PPP2R5E: variants seen among roughly 807,000 people sequenced by gnomAD.
PPP2R5E encodes protein phosphatase 2 regulatory subunit B'epsilon, also known as serine/threonine-protein phosphatase 2A 56 kDa regulatory subunit epsilon isoform.
In PPP2R5E, 4 loss-of-function variants were observed where a neutral mutation model predicts 65.3. The ratio of observed to expected loss-of-function variants is 0.06; its 90% confidence interval spans 0.03 to 0.14. PPP2R5E has a LOEUF of 0.14. PPP2R5E is among the 10% of genes least tolerant of loss of function. The pLI is 1.00. For missense variants in PPP2R5E, 274 were observed against 556.1 expected (o/e 0.49, Z 5.10); for synonymous variants, 183 against 187.4 (o/e 0.98, Z 0.19).
At chr14:63,383,157 G>C (rs1884467193) in intron 12 of PPP2R5E, among the ~76,000 whole-genome samples, 1 of 152,204 alleles carries the variant, frequency 6.6e-6, no homozygotes, top group Non-Finnish European at 1.5e-5. Context: ...CTTGGGCAAT[G>C]TGAGGACAAG....
At position 63,428,626 on chromosome 14, in the gene PPP2R5E, T is replaced by C. The variant is rs143006931; in HGVS notation, c.355-6532A>G. ...CAGTACATTAGTTTACTGCTGACTA[T>C]TGTTAAGTATGGTGCTGCAACAAAA... On this transcript the variant is annotated intron_variant, in intron 3 of 13. Transcript: ENST00000337537. 7.3e-4 allele frequency among the ~76,000 whole-genome samples: 111 copies of C among 152,308 alleles called. 3 individuals carry two copies. The East Asian group carries it at 0.02, about 27-fold the overall frequency.
chr14:63,402,907 C>T (rs1885839282), intron 5 of PPP2R5E, among the ~76,000 whole-genome samples: 1 of 151,716 alleles, frequency 6.6e-6, no homozygotes, highest in African/African-American at 2.4e-5. Flanking sequence ...AAGTGTTCTG[C>T]ACAATAAATG....
Position 63,372,057 on chromosome 14 carries a change from G to C in PPP2R5E, c.*3952C>G, listed in dbSNP as rs1883717074. On this transcript the variant is annotated 3_prime_UTR_variant, in exon 14 of 14. Coordinates refer to ENST00000337537, the MANE Select transcript of PPP2R5E (RefSeq NM_006246.5). ...AAAAAGTAAAGAAAGAGGAAGGGAA[G>C]AGGGAAGGAGGAAAAGAGAAGCTGA... 2 of 151,126 alleles carry C rather than the reference G, an allele frequency of 1.3e-5. No individual in the cohort carries two copies. Among genetic ancestry groups the C allele is most frequent in the South Asian group, 4.2e-4 (2 of 4,788 alleles). The allele number at this position is 151,126 out of a possible 1,614,324, so 9.4% of individuals were successfully genotyped here. A position where few individuals can be genotyped will look rare whatever the true frequency, so the allele number is the denominator to read the frequency against.
intron 2 of PPP2R5E, among the ~76,000 whole-genome samples, chr14:63,465,580 T>G (rs10132996): frequency 6.6e-6 from 1 of 151,980 alleles, no homozygotes; most frequent in African/African-American, 2.4e-5. Flanking sequence ...GAGCCGTGAT[T>G]GCACCACTGC....
intron 2 of PPP2R5E, among the ~76,000 whole-genome samples, chr14:63,456,225 G>A (rs986184908): frequency 2.0e-5 from 3 of 152,152 alleles, no homozygotes; most frequent in African/African-American, 4.8e-5. Flanking sequence ...TAAAAGCATC[G>A]ATGAATTGTA....
At chr14:63,530,226 G>GTTTTTTTTT (rs555112537) in intron 2 of PPP2R5E, among the ~76,000 whole-genome samples, 3 of 99,456 alleles carry the variant, frequency 3.0e-5, no homozygotes, top group Non-Finnish European at 5.7e-5. Flanking sequence ...AAATTTTTCC[G>GTTTTTTTTT]TTTTTTTTTT....
At chr14:63,410,556 C>G (rs1886339934) in intron 5 of PPP2R5E, among the ~76,000 whole-genome samples, 2 of 152,134 alleles carry the variant, frequency 1.3e-5, no homozygotes, top group Admixed American at 6.5e-5. Context: ...CACTCCCCAG[C>G]AGAACCAAAC....
At chr14:63,469,977 A>G (rs1266949241) in intron 2 of PPP2R5E, among the ~76,000 whole-genome samples, 1 of 152,238 alleles carries the variant, frequency 6.6e-6, no homozygotes, top group Non-Finnish European at 1.5e-5. Context: ...AAAATGAAAT[A>G]CTTCCTCCTC....
Position 63,466,365 on chromosome 14 carries a change from T to C in PPP2R5E, c.158-12480A>G, listed in dbSNP as rs76832168. 5.9e-5 allele frequency among the ~76,000 whole-genome samples: 9 copies of C among 151,798 alleles called. No homozygotes were observed. In the East Asian group the frequency reaches 1.7e-3, roughly 29 times the overall value. On this transcript the variant is annotated intron_variant, in intron 2 of 13. Coordinates refer to ENST00000337537, the MANE Select transcript of PPP2R5E (RefSeq NM_006246.5). ...GAACCTCTGTTGGGATTTTAAAGTA[T>C]GAGAGCTTAAGCTCCTGAGACTGAC...
intron 3 of PPP2R5E, among the ~76,000 whole-genome samples, chr14:63,423,006 A>C (rs1269214527): frequency 6.6e-6 from 1 of 152,244 alleles, no homozygotes; most frequent in East Asian, 1.9e-4. Flanking sequence ...GTTGTTCAAA[A>C]CATGGCCATG....
At chr14:63,446,249 C>T (rs1240971770) in intron 3 of PPP2R5E, among the ~76,000 whole-genome samples, 3 of 152,128 alleles carry the variant, frequency 2.0e-5, no homozygotes, top group African/African-American at 4.8e-5. Context: ...CTATTGAAGT[C>T]GAAGCTCTCA....
intron 2 of PPP2R5E, among the ~76,000 whole-genome samples, chr14:63,507,317 CCTCT>C (rs757737285): frequency 6.6e-6 from 1 of 152,110 alleles, no homozygotes; most frequent in Non-Finnish European, 1.5e-5. Flanking sequence ...CTTCTAAAGA[CCTCT>C]CTCTTTCCTG....
At chr14:63,462,412 C>T (rs962062466) in intron 2 of PPP2R5E, among the ~76,000 whole-genome samples, 1 of 152,102 alleles carries the variant, frequency 6.6e-6, no homozygotes, top group African/African-American at 2.4e-5. Flanking sequence ...ATAAATCATA[C>T]GTTCTGCAAT....
At chr14:63,497,059 G>A (rs1400262933) in intron 2 of PPP2R5E, among the ~76,000 whole-genome samples, 1 of 152,002 alleles carries the variant, frequency 6.6e-6, no homozygotes, top group African/African-American at 2.4e-5. Flanking sequence ...CTTTTAAATG[G>A]AACATTCTAA....
chr14:63,397,275 G>T (rs1266053788), intron 5 of PPP2R5E, among the ~76,000 whole-genome samples: 2 of 152,134 alleles, frequency 1.3e-5, no homozygotes, highest in African/African-American at 2.4e-5. Flanking sequence ...GCCAAGGCAG[G>T]CGCATCACCT....
In PPP2R5E at chr14:63,491,070, T is replaced by A. The variant is rs148143492; in HGVS notation, c.158-37185A>T. 7.2e-5 allele frequency among the ~76,000 whole-genome samples: 11 copies of A among 152,050 alleles called. No individual in the cohort carries two copies. In the East Asian group the frequency reaches 2.1e-3, roughly 29 times the overall value. ...GCAGCATAAGAAGAATGAAATCACG[T>A]CCTTTGCAACGTGAATACAGCTGGA... is the stretch of plus-strand genomic sequence containing the variant. On this transcript the variant is annotated intron_variant, in intron 2 of 13. Coordinates refer to ENST00000337537, the MANE Select transcript of PPP2R5E (RefSeq NM_006246.5).
intron 3 of PPP2R5E, among the ~76,000 whole-genome samples, chr14:63,444,340 T>C (rs894512070): frequency 2.0e-5 from 3 of 152,224 alleles, no homozygotes; most frequent in Non-Finnish European, 4.4e-5. Context: ...CACCCTTCTA[T>C]CTACCTTCAC....
rs1234185959 is a variant in PPP2R5E, at chr14:63,373,807, T to C, written c.*2202A>G. 6.6e-6 allele frequency: 1 copy of C among 152,130 alleles called. No individual in the cohort carries two copies. Among genetic ancestry groups the C allele is most frequent in the Non-Finnish European group, 1.5e-5 (1 of 68,004 alleles). The allele number at this position is 152,130 out of a possible 1,614,324, so 9.4% of individuals were successfully genotyped here. ...TCTTCTACCTAAAAAGATGAATTAA[T>C]GGCAAACAAAAGTTTACACTATATA... is the stretch of plus-strand genomic sequence containing the variant. On this transcript the variant is annotated 3_prime_UTR_variant, in exon 14 of 14. Transcript: ENST00000337537.
In PPP2R5E at chr14:63,389,678, T is replaced by C. The variant is rs61756432; in HGVS notation, c.1008A>G (p.Gln336=). Reference sequence around the variant, plus strand: ...ACAAAGGTTCTTGGATTTTAACAAATTGTGAAGGTTCAATCACATCCAATA... The same window carrying C: ...ACAAAGGTTCTTGGATTTTAACAAACTGTGAAGGTTCAATCACATCCAATA... ...EEILDVIEPS[Q]FVKIQEPLFK... The change falls in exon 11 of 14, where the codon CAA becomes CAG. Residue 336 remains glutamine, a synonymous_variant. Transcript: ENST00000337537. The C allele has an allele frequency of 0.013, 21,534 of 1,612,280 alleles. 188 individuals carry two copies. Among genetic ancestry groups the C allele is most frequent in the Non-Finnish European group, 0.016 (18,491 of 1,179,338 alleles).
Sources: gnomAD v4.1 joint callset for allele counts (sites outside exome capture counted in the v4.1 genomes callset) on GRCh38, gnomAD v4.1.1 for gene constraint, MANE v1.5 for transcripts, NCBI Gene and HGNC (gene_info 2026-07-23, HGNC 2026-07-21) for gene names.